The following AIFM2 variants were observed in gnomAD, a reference collection of about 807,000 sequenced individuals.
The protein encoded by AIFM2 is AIF family member 2, ferroptosis suppressor, also known as ferroptosis suppressor protein 1.
A neutral mutation model predicts 35.7 loss-of-function variants in AIFM2; 38 were observed. That is an observed-to-expected ratio of 1.06 (90% CI 0.82 to 1.39). The LOEUF (loss-of-function observed/expected upper bound fraction) is 1.39, where lower values mean the gene tolerates loss of function less well. Ranked by LOEUF, AIFM2 falls within the 40% of genes most tolerant of loss-of-function variation. AIFM2 has a pLI of 0.00. For synonymous variants in AIFM2, 185 were observed against 203.5 expected (o/e 0.91, Z 0.77); for missense variants, 476 against 491.2 (o/e 0.97, Z 0.29).
intron 1 of AIFM2, among the ~76,000 whole-genome samples, chr10:70,130,733 G>A (rs890180521): frequency 6.6e-6 from 1 of 152,126 alleles, no homozygotes; most frequent in South Asian, 2.1e-4. Context: ...AACTTTTTGA[G>A]GAACTGCTAA....
At position 70,115,057 on chromosome 10, in the gene AIFM2, C is replaced by T; in HGVS notation, c.833G>A (p.Ser278Asn). 4 of 1,614,202 alleles carry T rather than the reference C, an allele frequency of 2.5e-6. No homozygotes were observed. The highest frequency in any genetic ancestry group is 3.4e-6 in the Non-Finnish European group (4 of 1,180,030). The change falls in exon 8 of 9, where the codon AGC becomes AAC. Residue 278 changes from serine to asparagine, a missense_variant. Coordinates refer to ENST00000307864, the MANE Select transcript of AIFM2 (RefSeq NM_032797.6). ...VNEHLQVEGH[S>N]NVYAIGDCAD... ...ACAGTCACCAATGGCGTAGACGTTG[C>T]TGTGGCCCTCCACCTGGAGGTGCTC... is the stretch of plus-strand genomic sequence containing the variant.
rs2072430738 is a variant in AIFM2, at chr10:70,115,897, T to C, written c.769+725A>G. Among the ~76,000 whole-genome samples the C allele has an allele frequency of 3.3e-5, 5 of 152,248 alleles. 1 individual carries two copies. In the South Asian group the frequency reaches 1.0e-3, roughly 31 times the overall value. ...AATACAACATTAGGACAATTTGGTA[T>C]TAAATTCTGGGATCTCTGTCCATTA... On this transcript the variant is annotated intron_variant, in intron 7 of 8. Transcript: ENST00000307864.
intron 3 of AIFM2, among the ~76,000 whole-genome samples, chr10:70,122,080 G>A (rs145086780): frequency 0.016 from 2,490 of 152,088 alleles, 25 homozygotes; most frequent in Middle Eastern, 0.02. Context: ...CAACAAGAGC[G>A]AAACTCCATC....
intron 5 of AIFM2, 166 bp from the exon 6 acceptor site, chr10:70,118,086 G>A: frequency 1.7e-6 from 1 of 580,370 alleles, no homozygotes; most frequent in Non-Finnish European, 3.0e-6. Flanking sequence ...GGTGAGCTGG[G>A]CTTAAGCCCA....
At position 70,116,610 on chromosome 10, in the gene AIFM2, G is replaced by A. The variant is rs1385516257; in HGVS notation, c.769+12C>T. The A allele has an allele frequency of 6.2e-7, 1 of 1,612,858 alleles. No individual in the cohort carries two copies. The highest frequency in any genetic ancestry group is 2.2e-5 in the East Asian group (1 of 44,886). On this transcript the variant is annotated intron_variant, in intron 7 of 8. Coordinates refer to ENST00000307864, the MANE Select transcript of AIFM2 (RefSeq NM_032797.6). ...GGAGGCACAGGGGAAGCCCGGCTGG[G>A]CACCTGCTCACCAAACGCTTTGCGG... is the stretch of plus-strand genomic sequence containing the variant.
At chr10:70,122,764 AC>A (rs2072523373) in intron 3 of AIFM2, among the ~76,000 whole-genome samples, 1 of 152,200 alleles carries the variant, frequency 6.6e-6, no homozygotes, top group Admixed American at 6.5e-5. Context: ...TCAGTCTCTT[AC>A]CAGCTGTGGG....
At chr10:70,127,690 C>A (rs1564554959) in intron 1 of AIFM2, among the ~76,000 whole-genome samples, 1 of 152,204 alleles carries the variant, frequency 6.6e-6, no homozygotes, top group Non-Finnish European at 1.5e-5. Context: ...AAGCCCTTGA[C>A]CCCCAGGCCC....
chr10:70,121,222 CCAAA>C lies in AIFM2; in HGVS notation c.295-15_295-12del. The C allele has an allele frequency of 8.5e-5, 15 of 177,108 alleles. No homozygotes were observed. The highest frequency in any genetic ancestry group is 6.7e-4 in the East Asian group (3 of 4,478). 11.0% of individuals were successfully genotyped at this position (177,108 alleles called of 1,614,324 possible). ...AGAGAAGGGCAGGGCCTGAGAGAAA[CCAAA>C]AAAAAAAAAAAAAAAAAAAAAAAAA... On this transcript the variant is annotated splice_polypyrimidine_tract_variant and intron_variant, in intron 3 of 8. Coordinates refer to ENST00000307864, the MANE Select transcript of AIFM2 (RefSeq NM_032797.6).
intron 2 of AIFM2, 117 bp downstream of exon 2, chr10:70,123,790 A>C (rs1180925332): frequency 1.9e-5 from 21 of 1,128,692 alleles, no homozygotes; most frequent in Non-Finnish European, 2.4e-5. Context: ...CTTGTCTGAC[A>C]GTGGAATGCA....
intron 3 of AIFM2, among the ~76,000 whole-genome samples, chr10:70,122,247 C>T (rs920516302): frequency 4.6e-5 from 7 of 152,142 alleles, no homozygotes; most frequent in African/African-American, 1.7e-4. Flanking sequence ...CCTACTTTCC[C>T]CTGAACCTCC....
chr10:70,123,216 G>A (rs2072528738), intron 3 of AIFM2, among the ~76,000 whole-genome samples, 189 bp downstream of exon 3: 1 of 152,064 alleles, frequency 6.6e-6, no homozygotes, highest in Non-Finnish European at 1.5e-5. Context: ...ACAGGGTTTT[G>A]CCATGTTGGG....
At chr10:70,129,542 T>C (rs1650062210) in intron 1 of AIFM2, among the ~76,000 whole-genome samples, 2 of 152,116 alleles carry the variant, frequency 1.3e-5, no homozygotes, top group South Asian at 4.1e-4. Context: ...TGCCCATATC[T>C]TCGATTTAAG....
At chr10:70,125,963 G>A (rs986995191) in intron 1 of AIFM2, among the ~76,000 whole-genome samples, 3 of 152,254 alleles carry the variant, frequency 2.0e-5, no homozygotes, top group African/African-American at 7.2e-5. Flanking sequence ...GGCTCCCCAA[G>A]CCAGCCTGGA....
chr10:70,118,737 T>C (rs1438254368), intron 5 of AIFM2, among the ~76,000 whole-genome samples: 1 of 152,158 alleles, frequency 6.6e-6, no homozygotes, highest in Non-Finnish European at 1.5e-5. Flanking sequence ...CCCTTGTAAA[T>C]TGGGGTACTA....
rs771978905 is a variant in AIFM2 at position 70,121,159 on chromosome 10, G to A, written c.347C>T (p.Pro116Leu). 75 of 1,597,666 alleles carry A rather than the reference G, an allele frequency of 4.7e-5. No individual in the cohort carries two copies. The highest frequency in any genetic ancestry group is 5.7e-5 in the Non-Finnish European group (67 of 1,172,046). ...GCTGGAAACCTCATTAAACTTGCCC[G>A]GGAAGGGCCCAGTGCTGCCCGTGGC... ...ILATGSTGPF[P>L]GKFNEVSSQQ... The change falls in exon 4 of 9, where the codon CCG becomes CTG. Residue 116 changes from proline to leucine, a missense_variant. Physicochemically the swap from Pro to Leu is moderately conservative, Grantham distance 98. Transcript: ENST00000307864.
At chr10:70,121,921 A>G (rs1226112721) in intron 3 of AIFM2, among the ~76,000 whole-genome samples, 2 of 151,602 alleles carry the variant, frequency 1.3e-5, no homozygotes, top group South Asian at 4.2e-4. Context: ...GCAAAATCCC[A>G]TCTCTACTAA....
rs553034028 is a variant in AIFM2, at chr10:70,127,321, T to A, written c.-13-3224A>T. Among the ~76,000 whole-genome samples the A allele has an allele frequency of 4.6e-5, 7 of 151,358 alleles. No individual in the cohort carries two copies. In the East Asian group the frequency reaches 1.2e-3, roughly 25 times the overall value. On this transcript the variant is annotated intron_variant, in intron 1 of 8. Transcript: ENST00000307864. ...CTGGCCGGGGATAGGGACAGGGGAG[T>A]CCACTGTGCGTCAGGTCACACTGGA...
Position 70,117,760 on chromosome 10 carries a change from C to T in AIFM2, c.616+52G>A. 6.8e-7 allele frequency: 1 copy of T among 1,475,456 alleles called. No homozygotes were observed. The highest frequency in any genetic ancestry group is 1.2e-5 in the South Asian group (1 of 81,702). The allele number at this position is 1,475,456 out of a possible 1,614,324, so 91.4% of individuals were successfully genotyped here. On this transcript the variant is annotated intron_variant, in intron 6 of 8. Coordinates refer to ENST00000307864, the MANE Select transcript of AIFM2 (RefSeq NM_032797.6). This position sits in a 1 kb window ranked among gnomAD's most constrained non-coding sequence, Gnocchi z 4.7. Reference sequence around the variant, plus strand: ...GGAAGCAGTCACCAAGCCTCCAAGCCACATCTCACCAGGCCAGGGCAGGGC... The same window carrying T: ...GGAAGCAGTCACCAAGCCTCCAAGCTACATCTCACCAGGCCAGGGCAGGGC...
At position 70,115,028 on chromosome 10, in the gene AIFM2, C is replaced by G; in HGVS notation, c.862G>C (p.Asp288His). 6.2e-7 allele frequency: 1 copy of G among 1,614,136 alleles called. No individual in the cohort carries two copies. Among genetic ancestry groups the G allele is most frequent in the Non-Finnish European group, 8.5e-7 (1 of 1,180,014 alleles). The change falls in exon 8 of 9, where the codon GAC (aspartate) becomes CAC (histidine). Residue 288 changes from aspartate to histidine, a missense_variant. Asp to His is a moderately conservative substitution (Grantham distance 81). Transcript: ENST00000307864. ...SNVYAIGDCA[D>H]VRTPKMAYLA... Reference sequence around the variant, plus strand: ...TAGGCCATCTTGGGCGTCCTCACGTCGGCACAGTCACCAATGGCGTAGACG... The same window carrying G: ...TAGGCCATCTTGGGCGTCCTCACGTGGGCACAGTCACCAATGGCGTAGACG...
Sources: gnomAD v4.1 joint callset for allele counts (sites outside exome capture counted in the v4.1 genomes callset) on GRCh38, gnomAD v4.1.1 for gene constraint, Gnocchi (gnomAD v3.1) non-coding constraint, MANE v1.5 for transcripts, NCBI Gene and HGNC (gene_info 2026-07-23, HGNC 2026-07-21) for gene names.